The following DST variants were observed in gnomAD, a reference collection of about 807,000 sequenced individuals.
DST encodes bullous pemphigoid antigen.
DST carries 253 observed loss-of-function variants against 875.2 expected under a neutral mutation model. The ratio of observed to expected loss-of-function variants is 0.29; its 90% CI spans 0.26 to 0.32. DST has a LOEUF of 0.32. Ranked by LOEUF, DST falls within the 10% of genes least tolerant of loss-of-function variation. The pLI is 1.00. For synonymous variants in DST, 3,124 were observed against 3,197.1 expected (o/e 0.98, Z 0.77); for missense variants, 8,287 against 9,111.6 (o/e 0.91, Z 3.68).
chr6:56,816,914 C>A (rs551190954), intron 4 of DST, among the ~76,000 whole-genome samples: 2 of 150,026 alleles, frequency 1.3e-5, no homozygotes, highest in African/African-American at 4.9e-5. Context: ...GTTTAAAATT[C>A]TCTCCTGAAG....
intron 3 of DST, among the ~76,000 whole-genome samples, chr6:56,872,825 C>CGCT (rs200028432): frequency 7.3e-6 from 1 of 136,084 alleles, no homozygotes; most frequent in Non-Finnish European, 1.5e-5. Flanking sequence ...CACTGATTCC[C>CGCT]CCCCCCCTTT....
At position 56,614,457 on chromosome 6, in the gene DST, G is replaced by A. The variant is rs1323836665; in HGVS notation, c.4957C>T (p.His1653Tyr). 2.5e-6 allele frequency: 4 copies of A among 1,606,710 alleles called. No homozygotes were observed. The highest frequency in any genetic ancestry group is 2.2e-5 in the East Asian group (1 of 44,522). The change falls in exon 37 of 104, where the codon CAT (histidine) becomes TAT (tyrosine). Residue 1653 changes from histidine to tyrosine, a missense_variant. Around this residue, in one of 10 missense-constraint regions of DST, gnomAD observed 3,138 missense variants for 3,116.6 expected, o/e 1.01. Coordinates refer to ENST00000680361, the MANE Select transcript of DST (RefSeq NM_001374736.1). ...TGCAATTCTTTGGCTTTTTCAACAT[G>A]TTCTTTCTTTTCTTCTTCCAGTGAC... ...EKSLEEEKKE[H>Y]VEKAKELQKW... is the part of the protein sequence containing the mutation.
At chr6:56,917,336 A>G (rs1057426446) in intron 2 of DST, among the ~76,000 whole-genome samples, 5 of 152,222 alleles carry the variant, frequency 3.3e-5, no homozygotes, top group Non-Finnish European at 7.3e-5. Context: ...GCAGAAGGGA[A>G]AGCCAACAGG....
At chr6:56,650,808 A>C in intron 12 of DST, 118 bp downstream of exon 12, 1 of 604,456 alleles carries the variant, frequency 1.7e-6, no homozygotes, top group Non-Finnish European at 2.9e-6. Context: ...CAGCATATTA[A>C]CTCAAATTCT....
At chr6:56,779,705 C>T (rs1265872676) in intron 4 of DST, among the ~76,000 whole-genome samples, 1 of 150,294 alleles carries the variant, frequency 6.7e-6, no homozygotes, top group Non-Finnish European at 1.5e-5. Flanking sequence ...AGATATGTGG[C>T]ATTAGTCTTC....
intron 73 of DST, 54 bp from the exon 74 acceptor site, chr6:56,509,927 G>T: frequency 1.5e-6 from 2 of 1,331,456 alleles, no homozygotes; most frequent in Admixed American, 2.4e-5. Flanking sequence ...AATACCAAGT[G>T]TGAAATTTAA....
chr6:56,517,476 G>C, intron 70 of DST, 25 bp downstream of exon 70: 1 of 1,607,628 alleles, frequency 6.2e-7, no homozygotes, highest in Non-Finnish European at 8.5e-7. Flanking sequence ...TAATTCATAT[G>C]GCAATTGGAA....
chr6:56,505,991 T>G (rs888421718), intron 77 of DST, among the ~76,000 whole-genome samples: 11 of 152,320 alleles, frequency 7.2e-5, no homozygotes, highest in African/African-American at 2.4e-4. Flanking sequence ...TGGAGAACAC[T>G]GGCTTCAAAT....
chr6:56,519,617 C>T (rs1367690056), intron 69 of DST, among the ~76,000 whole-genome samples: 1 of 152,154 alleles, frequency 6.6e-6, no homozygotes, highest in Non-Finnish European at 1.5e-5. Context: ...GTCACCATCA[C>T]AGCCACCTGC....
chr6:56,839,370 TTAAC>T (rs1471446017), intron 4 of DST, among the ~76,000 whole-genome samples: 1 of 152,202 alleles, frequency 6.6e-6, no homozygotes, highest in Non-Finnish European at 1.5e-5. Flanking sequence ...AAACATAATC[TTAAC>T]TAACACTCAG....
Position 56,552,895 on chromosome 6 carries a change from A to G in DST, c.15897T>C (p.His5299=), listed in dbSNP as rs752507058. The G allele has an allele frequency of 3.7e-6, 6 of 1,613,886 alleles. No homozygotes were observed. The East Asian group carries it at 8.9e-5, about 24-fold the overall frequency. The change falls in exon 61 of 104, where the codon CAT becomes CAC. Residue 5299 remains histidine (H), a synonymous_variant. Coordinates refer to ENST00000680361, the MANE Select transcript of DST (RefSeq NM_001374736.1). ...TGTAAGCCTGGGATCCCAGCGAATC[A>G]TGGATATCTAGCTGCTCCTTTGCAC... is the stretch of plus-strand genomic sequence containing the variant. ...LQCAKEQLDI[H]DSLGSQAYSN... is the part of the protein sequence containing the mutation.
chr6:56,906,717 G>A (rs1476809404), intron 2 of DST, among the ~76,000 whole-genome samples: 1 of 152,080 alleles, frequency 6.6e-6, no homozygotes, highest in East Asian at 1.9e-4. Flanking sequence ...TAGAGAGAGA[G>A]ATGTTTTTCT....
intron 84 of DST, 138 bp downstream of exon 84, chr6:56,492,796 C>T (rs925944167): frequency 4.4e-5 from 32 of 723,602 alleles, no homozygotes; most frequent in African/African-American, 2.8e-4. Context: ...TCGCTTGAAC[C>T]GGGAGGCAGA....
intron 55 of DST, among the ~76,000 whole-genome samples, chr6:56,563,587 A>G (rs9475720): frequency 0.042 from 6,316 of 152,074 alleles, 420 homozygotes; most frequent in African/African-American, 0.14. Context: ...CTTTAATTAG[A>G]TCCCATTTGT....
chr6:56,603,061 C>A, intron 42 of DST, 30 bp from the exon 43 acceptor site: 1 of 1,551,214 alleles, frequency 6.4e-7, no homozygotes, highest in Non-Finnish European at 8.7e-7. Flanking sequence ...ATTCAGTTAT[C>A]TTTCCCCAAA....
At chr6:56,871,089 G>T in intron 3 of DST, 1 of 527,222 alleles carries the variant, frequency 1.9e-6, no homozygotes, top group Non-Finnish European at 3.4e-6. Flanking sequence ...TTGCAGAAGA[G>T]AAAACATATA....
At chr6:56,902,957 C>G (rs1038849885) in intron 2 of DST, among the ~76,000 whole-genome samples, 13 of 145,420 alleles carry the variant, frequency 8.9e-5, no homozygotes, top group Non-Finnish European at 9.1e-5. Flanking sequence ...CTCTCTCTCT[C>G]TCTGTCTTTC....
At chr6:56,570,308 C>G (rs914218523) in intron 53 of DST, among the ~76,000 whole-genome samples, 17 of 152,214 alleles carry the variant, frequency 1.1e-4, no homozygotes, top group African/African-American at 4.1e-4. Flanking sequence ...ATTATATTTA[C>G]ATTGTAATAT....
chr6:56,776,272 A>G (rs754582617), intron 4 of DST, among the ~76,000 whole-genome samples: 6 of 152,244 alleles, frequency 3.9e-5, no homozygotes, highest in Non-Finnish European at 8.8e-5. Context: ...ACAAACAAGG[A>G]AAGTCTAAGA....
Sources: gnomAD v4.1 joint callset for allele counts (sites outside exome capture counted in the v4.1 genomes callset) on GRCh38, gnomAD v4.1.1 for gene constraint, gnomAD v4.1.1 regional missense constraint, MANE v1.5 for transcripts, NCBI Gene and HGNC (gene_info 2026-07-23, HGNC 2026-07-21) for gene names.